The following GPBP1 variants were observed in gnomAD, a reference collection of about 807,000 sequenced individuals.
GPBP1 encodes the protein vasculin.
GPBP1 carries 13 observed loss-of-function variants against 56.5 expected under a neutral mutation model. That is an observed-to-expected ratio of 0.23 (90% confidence interval 0.15 to 0.37). The LOEUF is 0.37. Among genes scored for constraint, GPBP1 ranks in the 10% least tolerant of loss-of-function variants. The probability of loss-of-function intolerance (pLI) is 1.00; values close to 1 mark genes in which losing one functional copy is unlikely to be tolerated. For synonymous variants in GPBP1, 204 were observed against 188.9 expected, an observed-to-expected ratio of 1.08 and a Z score of -0.66; for missense variants, 477 against 572.3, an observed-to-expected ratio of 0.83 and a Z score of 1.70.
At position 57,216,635 on chromosome 5, in the gene GPBP1, G is replaced by T. The variant is rs112888644; in HGVS notation, c.63+2442G>T. 2.1e-3 allele frequency among the ~76,000 whole-genome samples: 315 copies of T among 152,216 alleles called. 2 individuals carry two copies. The highest frequency in any genetic ancestry group is 7.0e-3 in the African/African-American group (292 of 41,530). ...CGGGAGGTAGAGGTTGCAGGGAGCC[G>T]AGATCGTGCCACTGCAGTCCAGCCT... On this transcript the variant is annotated intron_variant, in intron 3 of 11. Transcript: ENST00000506184.
intron 3 of GPBP1, 122 bp downstream of exon 3, chr5:57,214,315 G>A: frequency 1.2e-6 from 1 of 845,572 alleles, no homozygotes. Context: ...GCTGGGCGCG[G>A]TGGCTCACCC....
intron 2 of GPBP1, among the ~76,000 whole-genome samples, chr5:57,188,667 C>T (rs997895746): frequency 2.0e-5 from 3 of 152,116 alleles, no homozygotes; most frequent in Non-Finnish European, 4.4e-5. Context: ...TGCTTAAACA[C>T]GTCAGGCAGA....
intron 2 of GPBP1, among the ~76,000 whole-genome samples, chr5:57,182,677 C>CT (rs1216395863): frequency 6.6e-6 from 1 of 151,480 alleles, no homozygotes; most frequent in African/African-American, 2.4e-5. Context: ...GGCTTCTTCT[C>CT]TTTAATTCTT....
intron 10 of GPBP1, among the ~76,000 whole-genome samples, chr5:57,256,721 C>G (rs1235070509): frequency 6.6e-6 from 1 of 152,078 alleles, no homozygotes; most frequent in African/African-American, 2.4e-5. Flanking sequence ...GAAAAAGATC[C>G]TAAGACAAGT....
chr5:57,235,193 G>C (rs1756611556), intron 5 of GPBP1, among the ~76,000 whole-genome samples: 1 of 152,024 alleles, frequency 6.6e-6, no homozygotes, highest in Non-Finnish European at 1.5e-5. Context: ...TGTAATCCCA[G>C]CTACTTGGGA....
At chr5:57,232,360 A>G (rs149743686) in intron 5 of GPBP1, among the ~76,000 whole-genome samples, 3 of 152,360 alleles carry the variant, frequency 2.0e-5, no homozygotes, top group Non-Finnish European at 4.4e-5. Context: ...TATTTATTCA[A>G]ACACTTATGC....
chr5:57,242,689 T>C (rs1740885773), intron 6 of GPBP1, among the ~76,000 whole-genome samples: 1 of 152,112 alleles, frequency 6.6e-6, no homozygotes, highest in African/African-American at 2.4e-5. Context: ...AAGTGATCCA[T>C]CCCACCTTGG....
chr5:57,246,271 T>A, intron 6 of GPBP1, 29 bp from the exon 7 acceptor site: 1 of 1,548,540 alleles, frequency 6.5e-7, no homozygotes, highest in Non-Finnish European at 8.8e-7. Context: ...AAATTGTGAG[T>A]GACTCTTGGT....
intron 5 of GPBP1, 109 bp from the exon 6 acceptor site, chr5:57,235,857 C>T: frequency 1.3e-6 from 1 of 790,678 alleles, no homozygotes; most frequent in Non-Finnish European, 2.1e-6. Context: ...CAACCTGTAG[C>T]TAAGAGTTGG....
At chr5:57,184,591 G>T (rs891947013) in intron 2 of GPBP1, among the ~76,000 whole-genome samples, 1 of 152,182 alleles carries the variant, frequency 6.6e-6, no homozygotes, top group African/African-American at 2.4e-5. Context: ...GGATCCGCTT[G>T]CACAGTTCAA....
chr5:57,185,648 A>T (rs771713025), intron 2 of GPBP1, among the ~76,000 whole-genome samples: 3 of 152,036 alleles, frequency 2.0e-5, no homozygotes, highest in African/African-American at 4.8e-5. Flanking sequence ...CCTAATAATG[A>T]TAGCATCTTT....
chr5:57,189,624 T>A (rs1322666296), intron 2 of GPBP1, among the ~76,000 whole-genome samples: 1 of 152,246 alleles, frequency 6.6e-6, no homozygotes, highest in Non-Finnish European at 1.5e-5. Context: ...GTGTACTCTA[T>A]TTCATTATTC....
At chr5:57,185,258 CTTTTTT>C (rs747214276) in intron 2 of GPBP1, among the ~76,000 whole-genome samples, 30 of 128,664 alleles carry the variant, frequency 2.3e-4, no homozygotes, top group South Asian at 2.4e-4. Context: ...TTGGTTAGGT[CTTTTTT>C]TTTTTTTTTT....
intron 2 of GPBP1, among the ~76,000 whole-genome samples, chr5:57,195,980 C>CA (rs1181097227): frequency 0.042 from 1,238 of 29,428 alleles, 79 homozygotes; most frequent in African/African-American, 0.11. Flanking sequence ...AACTCCATCT[C>CA]AAAAAAAAAA....
intron 6 of GPBP1, among the ~76,000 whole-genome samples, chr5:57,238,252 CAGTTG>C (rs1740631248): frequency 6.6e-6 from 1 of 152,104 alleles, no homozygotes; most frequent in South Asian, 2.1e-4. Flanking sequence ...TGTTAGTGTG[CAGTTG>C]AGTTGAGTTG....
At chr5:57,223,779 TTA>T (rs1465396084) in intron 3 of GPBP1, among the ~76,000 whole-genome samples, 1 of 149,000 alleles carries the variant, frequency 6.7e-6, no homozygotes, top group African/African-American at 2.4e-5. Context: ...TATTTTAAAA[TTA>T]TATATATAAT....
Position 57,246,412 on chromosome 5 carries a change from G to A in GPBP1, c.591G>A (p.Gln197=). 1 of 1,613,952 alleles carries A rather than the reference G, an allele frequency of 6.2e-7. No individual in the cohort carries two copies. Among genetic ancestry groups the A allele is most frequent in the South Asian group, 1.1e-5 (1 of 91,072 alleles). The part of the protein sequence containing the change: ...GFPVVGNLPS[Q]PVKNGTGPSV... ...CAGTAGTAGGAAATCTTCCGTCACA[G>A]CCAGTTAAGAATGGAACTGGTCCAA... Residue 197 remains glutamine, a synonymous_variant, in exon 7 of 12, where the codon CAG becomes CAA. Coordinates refer to ENST00000506184, the MANE Select transcript of GPBP1 (RefSeq NM_022913.4).
chr5:57,208,551 T>C (rs1241265878), intron 2 of GPBP1, among the ~76,000 whole-genome samples: 2 of 151,964 alleles, frequency 1.3e-5, no homozygotes, highest in East Asian at 3.9e-4. Context: ...GGAATTTTAA[T>C]AGAGATTACG....
At chr5:57,203,568 C>T (rs1044238749) in intron 2 of GPBP1, among the ~76,000 whole-genome samples, 4 of 152,248 alleles carry the variant, frequency 2.6e-5, no homozygotes, top group Non-Finnish European at 4.4e-5. Context: ...CTGCTTGAAC[C>T]CAGGAGTGGG....
Sources: gnomAD v4.1 joint callset for allele counts (sites outside exome capture counted in the v4.1 genomes callset) on GRCh38, gnomAD v4.1.1 for gene constraint, MANE v1.5 for transcripts, NCBI Gene and HGNC (gene_info 2026-07-23, HGNC 2026-07-21) for gene names.